ACP6: variants seen among roughly 807,000 people sequenced by gnomAD.
ACP6 encodes the protein acid phosphatase 6, lysophosphatidic.
In ACP6, 48 loss-of-function variants were observed where a neutral mutation model predicts 48.1. That is an observed-to-expected ratio of 1.00 (90% CI 0.79 to 1.27). ACP6 has a LOEUF of 1.27. ACP6 is among the 50% of genes most tolerant of loss of function. ACP6 has a pLI of 0.00. For missense variants in ACP6, 485 were observed against 529.1 expected, an observed-to-expected ratio of 0.92 and a Z score of 0.82; for synonymous variants, 172 against 204.2, an observed-to-expected ratio of 0.84 and a Z score of 1.34.
rs1345911477 is a variant in ACP6, at chr1:147,669,816, G to T, written c.219+14C>A. The T allele has an allele frequency of 1.3e-6, 2 of 1,558,628 alleles. No homozygotes were observed. Among genetic ancestry groups the T allele is most frequent in the South Asian group, 1.2e-5 (1 of 86,076 alleles). Reference sequence around the variant, plus strand: ...TCCTCGCCCCACCAGCCCCAGCCCGGGCCGACCTCTCACCTGCTCCTCCAG... The same window carrying T: ...TCCTCGCCCCACCAGCCCCAGCCCGTGCCGACCTCTCACCTGCTCCTCCAG... On this transcript the variant is annotated intron_variant, in intron 1 of 9. Coordinates refer to ENST00000583509, the MANE Select transcript of ACP6 (RefSeq NM_016361.5).
At chr1:147,654,113 C>T (rs1051197879) in intron 6 of ACP6, 81 bp downstream of exon 6, 1 of 1,564,984 alleles carries the variant, frequency 6.4e-7, no homozygotes. Flanking sequence ...GAGGCCTCCA[C>T]CCACTTCTCT....
chr1:147,666,944 C>T (rs1450305505), intron 1 of ACP6, among the ~76,000 whole-genome samples: 1 of 152,162 alleles, frequency 6.6e-6, no homozygotes, highest in Non-Finnish European at 1.5e-5. Flanking sequence ...ATGTCTTAAT[C>T]AACAGTGAAG....
At chr1:147,651,987 C>T (rs1553210645) in intron 7 of ACP6, 1 of 153,864 alleles carries the variant, frequency 6.5e-6, no homozygotes, top group Non-Finnish European at 1.4e-5. Context: ...GGCTCCATCA[C>T]TTGCTAGCTG....
chr1:147,658,426 G>A (rs1416815382), intron 4 of ACP6, among the ~76,000 whole-genome samples: 3 of 152,156 alleles, frequency 2.0e-5, no homozygotes, highest in Non-Finnish European at 4.4e-5. Flanking sequence ...ATCCATGAGG[G>A]AAAATAATTA....
intron 1 of ACP6, among the ~76,000 whole-genome samples, chr1:147,662,467 G>A (rs1273490851): frequency 1.3e-5 from 2 of 152,204 alleles, no homozygotes; most frequent in Non-Finnish European, 1.5e-5. Context: ...ATTAAGCGAA[G>A]TTTGGAAGAT....
chr1:147,665,389 A>C (rs1238329467), intron 1 of ACP6, among the ~76,000 whole-genome samples: 1 of 152,216 alleles, frequency 6.6e-6, no homozygotes, highest in African/African-American at 2.4e-5. Context: ...TAAAAGCTTT[A>C]TGTGGGGACT....
At chr1:147,660,206 T>C (rs899847619) in intron 1 of ACP6, among the ~76,000 whole-genome samples, 1 of 152,250 alleles carries the variant, frequency 6.6e-6, no homozygotes, top group African/African-American at 2.4e-5. Flanking sequence ...TTCTACTTAA[T>C]GTCCCTTGTA....
At chr1:147,648,693 G>A (rs184725851) in intron 8 of ACP6, among the ~76,000 whole-genome samples, 14 of 152,246 alleles carry the variant, frequency 9.2e-5, no homozygotes, top group South Asian at 2.1e-4. Context: ...GAAACTGAGC[G>A]TGTGTGGCTT....
chr1:147,659,596 A>C (rs782804642), intron 2 of ACP6, 51 bp downstream of exon 2: 1 of 1,613,606 alleles, frequency 6.2e-7, no homozygotes, highest in Non-Finnish European at 8.5e-7. Context: ...CCCAGAGAAA[A>C]CAACCCAACC....
downstream of ACP6, among the ~76,000 whole-genome samples, chr1:147,640,182 C>T (rs1553208473): frequency 6.6e-6 from 1 of 152,134 alleles, no homozygotes; most frequent in African/African-American, 2.4e-5. Flanking sequence ...ACCATCCTTC[C>T]ATGTGGATAA....
chr1:147,638,565 G>A (rs976011426), downstream of ACP6, among the ~76,000 whole-genome samples: 16 of 152,152 alleles, frequency 1.1e-4, no homozygotes, highest in Admixed American at 5.9e-4. Flanking sequence ...GAGATCTAGC[G>A]GGAGAGCAAA....
At chr1:147,667,530 T>G (rs587690310) in intron 1 of ACP6, among the ~76,000 whole-genome samples, 25 of 152,252 alleles carry the variant, frequency 1.6e-4, no homozygotes, top group South Asian at 1.2e-3. Flanking sequence ...CATCTAGTTT[T>G]AAATCATGCT....
At chr1:147,658,919 C>G (rs1660389014) in intron 4 of ACP6, 41 bp downstream of exon 4, 1 of 1,538,670 alleles carries the variant, frequency 6.5e-7, no homozygotes, top group Non-Finnish European at 8.8e-7. Context: ...AGAAGCAAGA[C>G]CCCTCAGGGA....
chr1:147,652,476 G>C lies in ACP6; in HGVS notation c.854C>G (p.Ser285Cys). The C allele has an allele frequency of 1.2e-6, 2 of 1,613,974 alleles. No homozygotes were observed. The highest frequency in any genetic ancestry group is 1.7e-6 in the Non-Finnish European group (2 of 1,179,974). ...GTCTTCCTTGGGCAGTATGTACAAG[G>C]ATGTGTCCACAGCTCTCTGTTCGAT... ...RMIEQRAVDT[S>C]LYILPKEDRE... Residue 285 changes from serine (S) to cysteine (C), a missense_variant, in exon 7 of 10, where the codon TCC becomes TGC. Ser to Cys is a moderately radical substitution (Grantham distance 112, BLOSUM62 -1). Coordinates refer to ENST00000583509, the MANE Select transcript of ACP6 (RefSeq NM_016361.5).
chr1:147,644,791 A>C lies in ACP6; in HGVS notation c.*2632T>G, dbSNP rs1659563550. The C allele has an allele frequency of 6.6e-6, 1 of 152,202 alleles. No homozygotes were observed. The highest frequency in any genetic ancestry group is 2.4e-5 in the African/African-American group (1 of 41,432). 9.4% of individuals were successfully genotyped at this position (152,202 alleles called of 1,614,324 possible). ...GATGGGAAAGCCTGTGGAAGGAGTA[A>C]GTTTGAAAAGGCACGGAAATTGAGA... On this transcript the variant is annotated 3_prime_UTR_variant, in exon 10 of 10. Coordinates refer to ENST00000583509, the MANE Select transcript of ACP6 (RefSeq NM_016361.5).
intron 5 of ACP6, among the ~76,000 whole-genome samples, chr1:147,631,969 TC>T (rs1659176368): frequency 6.6e-6 from 1 of 152,038 alleles, no homozygotes; most frequent in South Asian, 2.1e-4. Flanking sequence ...TTCATGCCCT[TC>T]CCCCACCCAC....
chr1:147,641,583 G>T (rs1659454512), downstream of ACP6, among the ~76,000 whole-genome samples: 2 of 152,284 alleles, frequency 1.3e-5, no homozygotes, highest in Middle Eastern at 3.4e-3. Flanking sequence ...CCTCCTGTGG[G>T]AATTCTTTAA....
intron 1 of ACP6, among the ~76,000 whole-genome samples, chr1:147,664,285 C>T (rs1660692579): frequency 1.3e-5 from 2 of 152,188 alleles, no homozygotes; most frequent in African/African-American, 4.8e-5. Context: ...GGCCCCACCT[C>T]CTCTCTAGCA....
chr1:147,668,266 G>A (rs1230094322), intron 1 of ACP6, among the ~76,000 whole-genome samples: 1 of 152,098 alleles, frequency 6.6e-6, no homozygotes, highest in Non-Finnish European at 1.5e-5. Flanking sequence ...ATGCTATTTT[G>A]TGGCTACACA....
Sources: allele counts gnomAD v4.1 joint callset (sites outside exome capture counted in the v4.1 genomes callset), GRCh38; gene constraint gnomAD v4.1.1; transcripts MANE v1.5; gene names NCBI Gene and HGNC (gene_info 2026-07-23, HGNC 2026-07-21).